UNC13C: variants seen among roughly 807,000 people sequenced by gnomAD.
UNC13C encodes unc-13 homolog C.
A neutral mutation model predicts 245.4 loss-of-function variants in UNC13C; 174 were observed. The observed-to-expected ratio is 0.71, with a 90% confidence interval of 0.63 to 0.80. UNC13C has a LOEUF of 0.80. Ranked by LOEUF, UNC13C falls within the 30% of genes least tolerant of loss-of-function variation. The pLI, the probability that UNC13C is intolerant of heterozygous loss-of-function variation, is 0.00. For synonymous variants in UNC13C, 992 were observed against 895.1 expected, an observed-to-expected ratio of 1.11 and a Z score of -1.93; for missense variants, 2,829 against 2,602.9, an observed-to-expected ratio of 1.09 and a Z score of -1.89.
chr15:53,976,442 GT>G (rs199931417), upstream of UNC13C, among the ~76,000 whole-genome samples: 46 of 96,730 alleles, frequency 4.8e-4, no homozygotes, highest in African/African-American at 1.1e-3. Context: ...CATACATGGT[GT>G]TTTTTTTTCT....
chr15:53,919,166 G>C, the UNC13C span, among the ~76,000 whole-genome samples: 24 of 152,116 alleles, frequency 1.6e-4, no homozygotes, highest in Non-Finnish European at 3.5e-4. Flanking sequence ...TTCTGACTTA[G>C]AACACCTACT....
chr15:54,392,710 G>T (rs2039983074), intron 17 of UNC13C, among the ~76,000 whole-genome samples: 1 of 151,740 alleles, frequency 6.6e-6, no homozygotes, highest in Admixed American at 6.6e-5. Context: ...CACATTAAAG[G>T]CATAATTTCT....
At chr15:54,383,747 G>A (rs908804192) in intron 17 of UNC13C, among the ~76,000 whole-genome samples, 1 of 152,054 alleles carries the variant, frequency 6.6e-6, no homozygotes, top group Non-Finnish European at 1.5e-5. Flanking sequence ...TAAATGACAT[G>A]ATCTTAGGTC....
At chr15:54,518,334 C>T (rs16974720) in intron 24 of UNC13C, among the ~76,000 whole-genome samples, 27,261 of 152,022 alleles carry the variant, frequency 0.18, 2,791 homozygotes, top group African/African-American at 0.27. Flanking sequence ...AGGCAGGTGA[C>T]GCTTGTTAAC....
chr15:54,593,381 C>A (rs1898906231), intron 30 of UNC13C, among the ~76,000 whole-genome samples: 1 of 152,096 alleles, frequency 6.6e-6, no homozygotes, highest in Admixed American at 6.5e-5. Flanking sequence ...AGAAGTTTTC[C>A]TCGATTATTT....
the UNC13C span, among the ~76,000 whole-genome samples, chr15:53,899,852 A>T: frequency 1.3e-5 from 2 of 152,124 alleles, no homozygotes; most frequent in African/African-American, 2.4e-5. Flanking sequence ...TGCTTCTGAG[A>T]TGGTTCCTTT....
intron 16 of UNC13C, among the ~76,000 whole-genome samples, chr15:54,336,957 G>A (rs546453453): frequency 2.0e-5 from 3 of 152,108 alleles, no homozygotes; most frequent in East Asian, 1.9e-4. Flanking sequence ...CATTCCTTCT[G>A]GGATTTTAAT....
At chr15:54,033,638 C>T (rs113312030) in intron 2 of UNC13C, among the ~76,000 whole-genome samples, 17 of 152,154 alleles carry the variant, frequency 1.1e-4, no homozygotes, top group African/African-American at 2.9e-4. Context: ...AGACTGGCCA[C>T]GTTGGAGAAT....
chr15:54,265,445 C>CA lies in UNC13C; in HGVS notation c.3772dup (p.Thr1258AsnfsTer12). Reference sequence around the variant, plus strand: ...CAAGTTGGAAAGAACAAAAGAAGAACAAAAACCATTTTTGGAAATTTGAAT... The same window carrying CA: ...CAAGTTGGAAAGAACAAAAGAAGAACAAAAAACCATTTTTGGAAATTTGAAT... On this transcript the variant is annotated frameshift_variant, in exon 10 of 33. Transcript: ENST00000260323. LOFTEE classifies it high-confidence loss of function. 2 of 1,570,282 alleles carry CA rather than the reference C, an allele frequency of 1.3e-6. No homozygotes were observed. Among genetic ancestry groups the CA allele is most frequent in the South Asian group, 1.2e-5 (1 of 85,044 alleles).
chr15:54,072,484 G>A (rs1432852994), intron 2 of UNC13C, among the ~76,000 whole-genome samples: 1 of 152,176 alleles, frequency 6.6e-6, no homozygotes, highest in African/African-American at 2.4e-5. Flanking sequence ...ATGAAGAGGG[G>A]AAAATTGCGC....
At chr15:53,991,711 T>C (rs892117991) in intron 1 of UNC13C, among the ~76,000 whole-genome samples, 7 of 152,240 alleles carry the variant, frequency 4.6e-5, no homozygotes, top group Non-Finnish European at 7.4e-5. Flanking sequence ...CCTCCATGGC[T>C]GCCACTCCAA....
At chr15:54,536,845 C>T (rs914514821) in intron 26 of UNC13C, among the ~76,000 whole-genome samples, 15 of 152,000 alleles carry the variant, frequency 9.9e-5, no homozygotes, top group Non-Finnish European at 2.1e-4. Flanking sequence ...ATAATAAGAA[C>T]CATCTATGAC....
intron 4 of UNC13C, among the ~76,000 whole-genome samples, chr15:54,230,294 G>A (rs552163697): frequency 7.1e-4 from 108 of 152,150 alleles, no homozygotes; most frequent in African/African-American, 2.5e-3. Context: ...TATCACTTGT[G>A]AGGTGATATT....
intron 4 of UNC13C, among the ~76,000 whole-genome samples, chr15:54,186,667 T>C (rs2033994364): frequency 6.6e-6 from 1 of 151,840 alleles, no homozygotes; most frequent in Non-Finnish European, 1.5e-5. Context: ...GTAGTAAGAA[T>C]GGATCAATAC....
Position 54,324,643 on chromosome 15 carries a change from C to T in UNC13C, c.4425+2548C>T, listed in dbSNP as rs117469770. On this transcript the variant is annotated intron_variant, in intron 14 of 32. Transcript: ENST00000260323. ...TCCAGCCTGGGCAACAGAATGAGACCCTGTCTCTAAAAAAAAAGTGATAAC... is the reference window on the plus strand; with the variant it reads ...TCCAGCCTGGGCAACAGAATGAGACTCTGTCTCTAAAAAAAAAGTGATAAC... 2.9e-3 allele frequency among the ~76,000 whole-genome samples: 446 copies of T among 151,330 alleles called. 13 individuals are homozygous for T. The East Asian group carries it at 0.077, about 26-fold the overall frequency.
intron 18 of UNC13C, among the ~76,000 whole-genome samples, chr15:54,408,199 C>CAAAAAAAAAAAAAAAAAAAAAAAAAAAAA (rs71105808): frequency 1.0e-4 from 3 of 29,130 alleles, no homozygotes; most frequent in African/African-American, 2.6e-4. Context: ...GACTCTGCCT[C>CAAAAAAAAAAAAAAAAAAAAAAAAAAAAA]AAAAAAAAAA....
chr15:54,000,695 T>C (rs930680050), intron 1 of UNC13C, among the ~76,000 whole-genome samples: 3 of 152,102 alleles, frequency 2.0e-5, no homozygotes, highest in East Asian at 1.9e-4. Context: ...TATGGACAGA[T>C]AGAATGTAAT....
intron 29 of UNC13C, among the ~76,000 whole-genome samples, chr15:54,563,851 G>A (rs1387142586): frequency 5.9e-5 from 9 of 151,908 alleles, no homozygotes; most frequent in Admixed American, 5.9e-4. Flanking sequence ...CAGAGTCATG[G>A]GCACAGAGTC....
At chr15:53,862,892 C>T in the UNC13C span, among the ~76,000 whole-genome samples, 4 of 152,182 alleles carry the variant, frequency 2.6e-5, no homozygotes, top group African/African-American at 9.6e-5. Context: ...CCCTGGCTCC[C>T]CCAAATTCAA....
Sources: allele counts gnomAD v4.1 joint callset (sites outside exome capture counted in the v4.1 genomes callset), GRCh38; gene constraint gnomAD v4.1.1; transcripts MANE v1.5; gene names NCBI Gene and HGNC (gene_info 2026-07-23, HGNC 2026-07-21).